The following HBS1L variants were observed in gnomAD, a reference collection of about 807,000 sequenced individuals.
The protein encoded by HBS1L is HBS1 like translational GTPase, also known as HBS1-like protein.
HBS1L carries 55 observed loss-of-function variants against 88.9 expected under a neutral mutation model. The observed-to-expected ratio is 0.62, with a 90% CI of 0.50 to 0.77. The LOEUF is 0.77. HBS1L is among the 30% of genes least tolerant of loss of function. The pLI is 0.00. For synonymous variants in HBS1L, 267 were observed against 288.5 expected (o/e 0.93, Z 0.76); for missense variants, 741 against 829.3 (o/e 0.89, Z 1.31).
intron 4 of HBS1L, chr6:135,035,911 T>C: frequency 1.5e-6 from 1 of 650,640 alleles, no homozygotes; most frequent in Non-Finnish European, 1.9e-6. Flanking sequence ...GACAAATGGT[T>C]TTTAAAAATG....
intron 7 of HBS1L, 44 bp from the exon 8 acceptor site, chr6:134,993,919 T>A (rs1353327447): frequency 1.1e-5 from 9 of 842,134 alleles, no homozygotes; most frequent in Non-Finnish European, 1.7e-5. Context: ...ATATAAATAG[T>A]GCTATAGAGT....
At chr6:135,027,383 T>C (rs773335728) in intron 4 of HBS1L, among the ~76,000 whole-genome samples, 1 of 151,788 alleles carries the variant, frequency 6.6e-6, no homozygotes, top group Non-Finnish European at 1.5e-5. Context: ...AAACCAGTAA[T>C]CATAACAAAA....
chr6:135,008,314 C>T (rs567387317), intron 4 of HBS1L, among the ~76,000 whole-genome samples: 7 of 152,358 alleles, frequency 4.6e-5, no homozygotes, highest in Admixed American at 4.6e-4. Context: ...CAAGTCTAAT[C>T]TTATTTTATT....
intron 4 of HBS1L, among the ~76,000 whole-genome samples, chr6:135,004,010 T>C (rs1277964651): frequency 1.3e-5 from 2 of 152,150 alleles, no homozygotes; most frequent in Non-Finnish European, 2.9e-5. Context: ...CTTTATAATT[T>C]TCAGAAAAAG....
intron 4 of HBS1L, among the ~76,000 whole-genome samples, chr6:135,035,174 C>T (rs571612588): frequency 7.2e-5 from 11 of 152,278 alleles, no homozygotes; most frequent in African/African-American, 2.4e-4. Context: ...CAAGTTAGGC[C>T]GGGCGTGGTG....
At chr6:134,989,401 A>G (rs1334429159) in intron 8 of HBS1L, among the ~76,000 whole-genome samples, 1 of 152,020 alleles carries the variant, frequency 6.6e-6, no homozygotes, top group Non-Finnish European at 1.5e-5. Context: ...GATAATCACT[A>G]TCTCTCCAGG....
intron 4 of HBS1L, chr6:135,037,032 C>T (rs1406335976): frequency 1.3e-6 from 2 of 1,551,550 alleles, no homozygotes; most frequent in South Asian, 2.4e-5. Flanking sequence ...ATAAACTGAC[C>T]TCAAAGGACT....
chr6:135,017,052 G>A (rs1419993462), intron 4 of HBS1L, among the ~76,000 whole-genome samples: 2 of 152,102 alleles, frequency 1.3e-5, no homozygotes, highest in Non-Finnish European at 1.5e-5. Context: ...TCAGGCTCAC[G>A]TAAATTAAAC....
chr6:135,002,072 T>TTATTGAACAATC lies in HBS1L; in HGVS notation c.539+661_539+662insGATTGTTCAATA, dbSNP rs549352151. 9.9e-4 allele frequency among the ~76,000 whole-genome samples: 150 copies of TTATTGAACAATC among 152,162 alleles called. 1 individual carries two copies. The highest frequency in any genetic ancestry group is 3.4e-3 in the African/African-American group (142 of 41,578). ...ATACATATAATTTATAAGTAACAAT[T>TTATTGAACAATC]GAAAATTCTGAAAAATTTTAGAGTT... On this transcript the variant is annotated intron_variant, in intron 5 of 17. Transcript: ENST00000367837.
chr6:134,987,615 TAAAC>T (rs1775014792), intron 9 of HBS1L, 26 bp downstream of exon 9: 1 of 1,552,954 alleles, frequency 6.4e-7, no homozygotes, highest in South Asian at 1.2e-5. Context: ...ATTAGCATCT[TAAAC>T]AAATCTCCAC....
Position 135,028,387 on chromosome 6 carries a change from G to C in HBS1L, c.430+11186C>G, listed in dbSNP as rs552469590. On this transcript the variant is annotated intron_variant, in intron 4 of 17. Transcript: ENST00000367837. Reference sequence around the variant, plus strand: ...AATCTAAAAGAATAAGACAATGTTTGGTACAATGCACAACAAATACATTTG... The same window carrying C: ...AATCTAAAAGAATAAGACAATGTTTCGTACAATGCACAACAAATACATTTG... 6.6e-5 allele frequency among the ~76,000 whole-genome samples: 10 copies of C among 152,134 alleles called. 1 individual carries two copies. Among genetic ancestry groups the C allele is most frequent in the African/African-American group, 2.4e-4 (10 of 41,530 alleles).
intron 4 of HBS1L, 62 bp from the exon 5 acceptor site, chr6:135,002,904 T>C: frequency 1.2e-6 from 1 of 854,232 alleles, no homozygotes. Context: ...AGAAATCTAT[T>C]ACATAGTATT....
intron 6 of HBS1L, 120 bp from the exon 7 acceptor site, chr6:134,997,062 T>C: frequency 1.3e-6 from 1 of 756,156 alleles, no homozygotes; most frequent in Non-Finnish European, 2.1e-6. Flanking sequence ...CCAGTATTTA[T>C]CAAATGACAG....
intron 3 of HBS1L, among the ~76,000 whole-genome samples, chr6:135,040,716 T>A (rs1225885982): frequency 6.6e-6 from 1 of 152,174 alleles, no homozygotes; most frequent in Non-Finnish European, 1.5e-5. Flanking sequence ...AATTTTAATT[T>A]TCTGATGACA....
At position 135,045,794 on chromosome 6, in the gene HBS1L, G is replaced by A. The variant is rs534509053; in HGVS notation, c.110-3668C>T. 1.2e-4 allele frequency among the ~76,000 whole-genome samples: 18 copies of A among 151,784 alleles called. No individual in the cohort carries two copies. In the South Asian group the frequency reaches 2.3e-3, roughly 19 times the overall value. The stretch of plus-strand genomic sequence containing the variant: ...GTGGAGGTTGAGGTGAGCCGAGATC[G>A]TGCCACTGCACTCCAGCCTAGGCTA... On this transcript the variant is annotated intron_variant, in intron 2 of 17. Coordinates refer to ENST00000367837, the MANE Select transcript of HBS1L (RefSeq NM_006620.4).
Position 134,989,952 on chromosome 6 carries a change from C to G in HBS1L, c.1084-2161G>C, listed in dbSNP as rs1233747664. Among the ~76,000 whole-genome samples, 3 of 152,164 alleles carry G rather than the reference C, an allele frequency of 2.0e-5. No individual in the cohort carries two copies. In the East Asian group the frequency reaches 5.8e-4, roughly 29 times the overall value. ...TTGTCTAACCTCTCTGTGTTACCAA[C>G]TTACTTACTTCACAGAAACCCTAGG... On this transcript the variant is annotated intron_variant, in intron 8 of 17. Transcript: ENST00000367837.
At position 135,017,192 on chromosome 6, in the gene HBS1L, T is replaced by C. The variant is rs984726887; in HGVS notation, c.431-14350A>G. Among the ~76,000 whole-genome samples, 5 of 152,186 alleles carry C rather than the reference T, an allele frequency of 3.3e-5. 1 individual carries two copies. The highest frequency in any genetic ancestry group is 2.6e-4 in the Admixed American group (4 of 15,286). On this transcript the variant is annotated intron_variant, in intron 4 of 17. Coordinates refer to ENST00000367837, the MANE Select transcript of HBS1L (RefSeq NM_006620.4). ...TGAAATCAGAAAACCAGATGGCCTT[T>C]TAAGGTTTATCTCCTTATAATCCTA...
intron 4 of HBS1L, among the ~76,000 whole-genome samples, chr6:135,011,005 T>TA (rs1775758063): frequency 6.6e-6 from 1 of 152,170 alleles, no homozygotes; most frequent in Admixed American, 6.5e-5. Flanking sequence ...ACAAATTCAG[T>TA]ATATGCAGAA....
intron 4 of HBS1L, among the ~76,000 whole-genome samples, chr6:135,029,394 GAC>G (rs1776325127): frequency 6.6e-6 from 1 of 151,222 alleles, no homozygotes; most frequent in African/African-American, 2.4e-5. Context: ...CACATACACA[GAC>G]ACATACACCT....
Sources: gnomAD v4.1 joint callset for allele counts (sites outside exome capture counted in the v4.1 genomes callset) on GRCh38, gnomAD v4.1.1 for gene constraint, MANE v1.5 for transcripts, NCBI Gene and HGNC (gene_info 2026-07-23, HGNC 2026-07-21) for gene names.